The following ITGB4 variants were observed in gnomAD, a reference collection of about 807,000 sequenced individuals.
ITGB4 encodes the protein integrin subunit beta 4, also known as integrin beta-4.
A neutral mutation model predicts 207.6 loss-of-function variants in ITGB4; 159 were observed. The ratio of observed to expected loss-of-function variants is 0.77; its 90% CI spans 0.67 to 0.87. The LOEUF is 0.87. ITGB4 is among the 40% of genes least tolerant of loss of function. The pLI is 0.00. For synonymous variants in ITGB4, 1,020 were observed against 1,062.7 expected (o/e 0.96, Z 0.78); for missense variants, 2,278 against 2,546.8 (o/e 0.89, Z 2.27).
At position 75,727,621 on chromosome 17, in the gene ITGB4, T is replaced by TA. The variant is rs1194866256; in HGVS notation, c.265-29dup. 1 of 1,586,508 alleles carries TA rather than the reference T, an allele frequency of 6.3e-7. No individual in the cohort carries two copies. The highest frequency in any genetic ancestry group is 1.8e-5 in the Admixed American group (1 of 55,664). ...CCATCGGGCCTCCGGAGTGACCCTC[T>TA]AGCCAGCTGTCCCCTTCCACTGGCT... On this transcript the variant is annotated intron_variant, in intron 4 of 39. Coordinates refer to ENST00000200181, the MANE Select transcript of ITGB4 (RefSeq NM_000213.5). This position sits in a 1 kb window ranked among gnomAD's most constrained non-coding sequence, Gnocchi z 6.0.
rs566259874 is a variant in ITGB4, at chr17:75,743,623, C to T, written c.2963-90C>T. ...AGGGAACCAAGCGGACTCCTGGATT[C>T]TGGGCTGGGCTGGGCAGGGTCACAG... On this transcript the variant is annotated intron_variant, in intron 25 of 39. Coordinates refer to ENST00000200181, the MANE Select transcript of ITGB4 (RefSeq NM_000213.5). 1.9e-6 allele frequency: 3 copies of T among 1,574,822 alleles called. No homozygotes were observed. The Admixed American group carries it at 5.0e-5, about 26-fold the overall frequency.
In ITGB4 at chr17:75,736,284, C is replaced by T. The variant is rs2148497944; in HGVS notation, c.1762-4C>T. 2 of 1,613,764 alleles carry T rather than the reference C, an allele frequency of 1.2e-6. No homozygotes were observed. Among genetic ancestry groups the T allele is most frequent in the Non-Finnish European group, 8.5e-7 (1 of 1,179,766 alleles). Reference sequence around the variant, plus strand: ...TGGCTCACTGGTGCCCCCTCCTACCCCAGGGCATCTGTAATGGACGTGGCC... The same window carrying T: ...TGGCTCACTGGTGCCCCCTCCTACCTCAGGGCATCTGTAATGGACGTGGCC... On this transcript the variant is annotated splice_polypyrimidine_tract_variant and splice_region_variant and intron_variant, in intron 14 of 39. Transcript: ENST00000200181.
chr17:75,742,318 T>C lies in ITGB4; in HGVS notation c.2634-23T>C. On this transcript the variant is annotated intron_variant, in intron 23 of 39. Coordinates refer to ENST00000200181, the MANE Select transcript of ITGB4 (RefSeq NM_000213.5). The surrounding 1 kb of genome is among the most constrained non-coding windows in gnomAD (Gnocchi z 5.9). Reference sequence around the variant, plus strand: ...GTGCCAGCCTGACCCCTCCGCTGCCTGAACCTTCCACCCTCGACCCAGGCA... The same window carrying C: ...GTGCCAGCCTGACCCCTCCGCTGCCCGAACCTTCCACCCTCGACCCAGGCA... 1.2e-6 allele frequency: 2 copies of C among 1,613,090 alleles called. No homozygotes were observed. Among genetic ancestry groups the C allele is most frequent in the Non-Finnish European group, 1.7e-6 (2 of 1,179,988 alleles).
rs201602364 is a variant in ITGB4, at chr17:75,739,893, C to G, written c.2268C>G (p.Gly756=). The change falls in exon 20 of 40, where the codon GGC becomes GGG. Residue 756 remains glycine (G), a synonymous_variant. Coordinates refer to ENST00000200181, the MANE Select transcript of ITGB4 (RefSeq NM_000213.5). The surrounding 1 kb of genome is among the most constrained non-coding windows in gnomAD (Gnocchi z 5.4). ...LPCCNRGHMV[G]FKEDHYMLRE... Reference sequence around the variant, plus strand: ...CCCATCCTGCAGGTCACATGGTGGGCTTTAAGGAAGACCACTACATGCTGC... The same window carrying G: ...CCCATCCTGCAGGTCACATGGTGGGGTTTAAGGAAGACCACTACATGCTGC... 4.6e-5 allele frequency: 75 copies of G among 1,613,586 alleles called. No homozygotes were observed. Among genetic ancestry groups the G allele is most frequent in the Non-Finnish European group, 6.0e-5 (71 of 1,180,026 alleles).
chr17:75,737,472 G>C, intron 17 of ITGB4, 28 bp downstream of exon 17: 1 of 1,553,164 alleles, frequency 6.4e-7, no homozygotes, highest in Non-Finnish European at 8.7e-7. Flanking sequence ...GGCGCAGGGA[G>C]GGGGCGTGTG....
At position 75,736,700 on chromosome 17, in the gene ITGB4, G is replaced by A; in HGVS notation, c.1990+6G>A. The A allele has an allele frequency of 6.3e-7, 1 of 1,591,240 alleles. No individual in the cohort carries two copies. Among genetic ancestry groups the A allele is most frequent in the South Asian group, 1.1e-5 (1 of 87,072 alleles). ...GGTGGACGAGCTTAAGAGAGGTAGG[G>A]GCAGGGGCTGAGGGTTGGGGTTGCT... On this transcript the variant is annotated splice_donor_region_variant and intron_variant, in intron 16 of 39. Transcript: ENST00000200181.
At chr17:75,744,891 A>T (rs1188525692) in intron 26 of ITGB4, among the ~76,000 whole-genome samples, 2 of 152,044 alleles carry the variant, frequency 1.3e-5, no homozygotes, top group Non-Finnish European at 2.9e-5. Flanking sequence ...GGCCTCCCAA[A>T]GTGCTGGGAT....
chr17:75,755,712 A>C lies in ITGB4; in HGVS notation c.4570A>C (p.Thr1524Pro). ...CCTCCTGTCCCCAGACTCTCGCCTG[A>C]CTGCTGGTGTGCCCGACACGCCCAC... The part of the protein sequence containing the change: ...TSVSSHDSRL[T>P]AGVPDTPTRL... Residue 1524 changes from threonine to proline, a missense_variant, in exon 35 of 40, where the codon ACT becomes CCT. By Grantham distance (38) the Thr-to-Pro change is conservative. Transcript: ENST00000200181. 1 of 1,612,684 alleles carries C rather than the reference A, an allele frequency of 6.2e-7. No homozygotes were observed. Among genetic ancestry groups the C allele is most frequent in the African/African-American group, 1.3e-5 (1 of 74,936 alleles).
At position 75,756,697 on chromosome 17, in the gene ITGB4, C is replaced by A. The variant is rs530599037; in HGVS notation, c.4898-7C>A. 1 of 1,613,382 alleles carries A rather than the reference C, an allele frequency of 6.2e-7. No individual in the cohort carries two copies. Among genetic ancestry groups the A allele is most frequent in the South Asian group, 1.1e-5 (1 of 91,072 alleles). On this transcript the variant is annotated splice_polypyrimidine_tract_variant and splice_region_variant and intron_variant, in intron 36 of 39. Transcript: ENST00000200181. The stretch of plus-strand genomic sequence containing the variant: ...ACAGGCTGATGCTCTTCCTCTACTG[C>A]CCCCAGGCTCCGCCTTCACTTTGAG...
chr17:75,732,277 T>C lies in ITGB4; in HGVS notation c.1454+38T>C, dbSNP rs1172903025. The C allele has an allele frequency of 2.5e-6, 4 of 1,589,088 alleles. No individual in the cohort carries two copies. Among genetic ancestry groups the C allele is most frequent in the Non-Finnish European group, 3.5e-6 (4 of 1,157,898 alleles). On this transcript the variant is annotated intron_variant, in intron 12 of 39. Coordinates refer to ENST00000200181, the MANE Select transcript of ITGB4 (RefSeq NM_000213.5). The surrounding 1 kb of genome is among the most constrained non-coding windows in gnomAD (Gnocchi z 5.3). ...GGGAGTTGGGCACCCAGGACACCAGTGGCCCCTGATGGGAAAGCTGGGCTC... is the reference window on the plus strand; with the variant it reads ...GGGAGTTGGGCACCCAGGACACCAGCGGCCCCTGATGGGAAAGCTGGGCTC...
chr17:75,752,783 G>C (rs932489526), intron 32 of ITGB4, among the ~76,000 whole-genome samples: 2 of 152,162 alleles, frequency 1.3e-5, no homozygotes, highest in Admixed American at 1.3e-4. Flanking sequence ...TTGTGCAAGC[G>C]CACATGAGTT....
intron 33 of ITGB4, 200 bp from the exon 34 acceptor site, chr17:75,754,376 T>C (rs2061438372): frequency 3.1e-6 from 2 of 637,452 alleles, no homozygotes; most frequent in Non-Finnish European, 5.5e-6. Flanking sequence ...CCAGAGGATA[T>C]GGGCTGTGGA....
In ITGB4 at chr17:75,732,032, G is replaced by A; in HGVS notation, c.1377+59G>A. ...GCTGAGCCAAGCACCCAGGGACCCT[G>A]AGGAATGAAGCAGGACTCCTGTGCC... On this transcript the variant is annotated intron_variant, in intron 11 of 39. Coordinates refer to ENST00000200181, the MANE Select transcript of ITGB4 (RefSeq NM_000213.5). This position sits in a 1 kb window ranked among gnomAD's most constrained non-coding sequence, Gnocchi z 5.3. 1.2e-6 allele frequency: 2 copies of A among 1,612,540 alleles called. No individual in the cohort carries two copies. Among genetic ancestry groups the A allele is most frequent in the Non-Finnish European group, 1.7e-6 (2 of 1,178,996 alleles).
Position 75,757,056 on chromosome 17 carries a change from G to A in ITGB4, c.5167G>A (p.Gly1723Ser), listed in dbSNP as rs769490779. The change falls in exon 38 of 40, where the codon GGC (glycine) becomes AGC (serine). Residue 1723 changes from glycine to serine, a missense_variant. Physicochemically the swap from Gly to Ser is moderately conservative, Grantham distance 56 (BLOSUM62 0). Coordinates refer to ENST00000200181, the MANE Select transcript of ITGB4 (RefSeq NM_000213.5). ...KFKVQARTTE[G>S]FGPEREGIIT... ...CAAGGTGCAGGCCAGGACCACTGAG[G>A]GCTTCGGGCCAGAGCGCGAGGGCAT... is the stretch of plus-strand genomic sequence containing the variant. 6.8e-6 allele frequency: 11 copies of A among 1,612,716 alleles called. No individual in the cohort carries two copies. Among genetic ancestry groups the A allele is most frequent in the Middle Eastern group, 1.6e-4 (1 of 6,084 alleles).
At chr17:75,733,405 T>A in intron 12 of ITGB4, 85 bp from the exon 13 acceptor site, 1 of 1,055,938 alleles carries the variant, frequency 9.5e-7, no homozygotes, top group Non-Finnish European at 1.3e-6. Context: ...AATAAAATAA[T>A]TAAATTAAAT....
chr17:75,734,131 T>G (rs1271013635), intron 13 of ITGB4, among the ~76,000 whole-genome samples: 2 of 137,274 alleles, frequency 1.5e-5, no homozygotes, highest in Non-Finnish European at 3.1e-5. Context: ...GCTGCTGTTT[T>G]TTTTTTTTTT....
Position 75,739,990 on chromosome 17 carries a change from G to A in ITGB4, c.2365G>A (p.Val789Met), listed in dbSNP as rs565427418. 18 of 1,613,250 alleles carry A rather than the reference G, an allele frequency of 1.1e-5. No individual in the cohort carries two copies. Among genetic ancestry groups the A allele is most frequent in the African/African-American group, 8.0e-5 (6 of 75,070 alleles). The part of the protein sequence containing the change: ...LRSGNLKGRD[V>M]VRWKVTNNMQ... ...CAGCGGGAACCTCAAGGGCCGTGAC[G>A]TGGTCCGCTGGAAGGTCACCAACAA... is the stretch of plus-strand genomic sequence containing the variant. Residue 789 changes from valine to methionine, a missense_variant, in exon 20 of 40, where the codon GTG (valine) becomes ATG (methionine). Physicochemically the swap from Val to Met is conservative, Grantham distance 21. Transcript: ENST00000200181. The surrounding 1 kb of genome is among the most constrained non-coding windows in gnomAD (Gnocchi z 5.4).
chr17:75,723,055 C>T lies in ITGB4; in HGVS notation c.-11+1443C>T, dbSNP rs2060648052. On this transcript the variant is annotated intron_variant, in intron 1 of 39. Transcript: ENST00000200181. ...CTTTCTAAACAAATGAAGCCAAACA[C>T]TCTTGGGTGCCTCGCCAACCCTCTA... Among the ~76,000 whole-genome samples the T allele has an allele frequency of 2.6e-5, 4 of 152,192 alleles. No homozygotes were observed. In the South Asian group the frequency reaches 8.3e-4, roughly 32 times the overall value.
intron 36 of ITGB4, 38 bp from the exon 37 acceptor site, chr17:75,756,666 C>G: frequency 6.2e-7 from 1 of 1,613,230 alleles, no homozygotes; most frequent in Non-Finnish European, 8.5e-7. Context: ...TGCCCACCAC[C>G]CACCCACAGG....
Sources: gnomAD v4.1 joint callset for allele counts (sites outside exome capture counted in the v4.1 genomes callset) on GRCh38, gnomAD v4.1.1 for gene constraint, Gnocchi (gnomAD v3.1) non-coding constraint, MANE v1.5 for transcripts, NCBI Gene and HGNC (gene_info 2026-07-23, HGNC 2026-07-21) for gene names.